Variants in FES observed in about 807,000 individuals in gnomAD.
FES encodes tyrosine-protein kinase Fes/Fps.
FES carries 83 observed loss-of-function variants against 109.6 expected under a neutral mutation model. The ratio of observed to expected loss-of-function variants is 0.76; its 90% CI spans 0.63 to 0.91. The LOEUF (loss-of-function observed/expected upper bound fraction) is 0.91, where lower values mean the gene tolerates loss of function less well. FES is among the 40% of genes least tolerant of loss of function. The pLI is 0.00. For synonymous variants in FES, 458 were observed against 442.1 expected, an observed-to-expected ratio of 1.04 and a Z score of -0.45; for missense variants, 943 against 1,070.9, an observed-to-expected ratio of 0.88 and a Z score of 1.67.
At chr15:90,885,725 C>T (rs1894400) in intron 3 of FES, 140 bp downstream of exon 3, 419,246 of 1,370,758 alleles carry the variant, frequency 0.31, 66,735 homozygotes, top group Non-Finnish European at 0.33. Context: ...AACCTTGATG[C>T]AGCTTCCTCT....
chr15:90,892,333 C>G, intron 13 of FES: 1 of 607,556 alleles, frequency 1.6e-6, no homozygotes, highest in South Asian at 2.0e-5. Flanking sequence ...GACCTCATCA[C>G]CCCCACCCAG....
rs2033228232 is a variant in FES, at chr15:90,891,659, C to A, written c.1636C>A (p.His546Asn). 1 of 1,613,718 alleles carries A rather than the reference C, an allele frequency of 6.2e-7. No individual in the cohort carries two copies. The highest frequency in any genetic ancestry group is 1.1e-5 in the South Asian group (1 of 91,092). The change falls in exon 12 of 19, where the codon CAC becomes AAC. Residue 546 changes from histidine to asparagine, a missense_variant. Transcript: ENST00000328850. ...CACCAAGAAGAGTGGTGTTGTCCTGCACAGGGCTGTGCCCAAGGTGAGCCT... is the reference window on the plus strand; with the variant it reads ...CACCAAGAAGAGTGGTGTTGTCCTGAACAGGGCTGTGCCCAAGGTGAGCCT... ...PLTKKSGVVL[H>N]RAVPKDKWVL...
intron 5 of FES, among the ~76,000 whole-genome samples, chr15:90,888,414 C>T (rs1596099000): frequency 6.6e-6 from 1 of 152,268 alleles, no homozygotes; most frequent in Admixed American, 6.5e-5. Context: ...GCCCTGACCT[C>T]TGTTTTAATA....
At chr15:90,892,583 A>G in intron 13 of FES, 124 bp from the exon 14 acceptor site, 1 of 803,814 alleles carries the variant, frequency 1.2e-6, no homozygotes, top group Non-Finnish European at 2.0e-6. Context: ...ACTCCCAGAG[A>G]GCCTGGGTGA....
In FES at chr15:90,890,382, C is replaced by T. The variant is rs754870836; in HGVS notation, c.1237-19C>T. The stretch of plus-strand genomic sequence containing the variant: ...CTCCCTAAGCCTGGCCACCCGCTGA[C>T]GTCTGTCCCTGGCCTCAGGAGCAGG... On this transcript the variant is annotated intron_variant, in intron 9 of 18. Transcript: ENST00000328850. 7.2e-5 allele frequency: 116 copies of T among 1,611,340 alleles called. No homozygotes were observed. Among genetic ancestry groups the T allele is most frequent in the Non-Finnish European group, 8.9e-5 (105 of 1,179,436 alleles).
At chr15:90,891,815 G>C in intron 12 of FES, 139 bp downstream of exon 12, 1 of 1,325,182 alleles carries the variant, frequency 7.5e-7, no homozygotes, top group Non-Finnish European at 1.0e-6. Flanking sequence ...TGACCCTCAG[G>C]GCCAGCCTTG....
At chr15:90,891,346 C>T (rs1344844484) in intron 11 of FES, among the ~76,000 whole-genome samples, 155 bp downstream of exon 11, 2 of 152,154 alleles carry the variant, frequency 1.3e-5, no homozygotes, top group African/African-American at 4.8e-5. Context: ...ACCACCCTGT[C>T]CCTGCAACAA....
intron 3 of FES, among the ~76,000 whole-genome samples, chr15:90,886,694 C>T (rs1331106245): frequency 6.6e-6 from 1 of 152,240 alleles, no homozygotes; most frequent in African/African-American, 2.4e-5. Flanking sequence ...GCCGTGCACA[C>T]CTGCAACTGG....
At chr15:90,893,871 G>A (rs962132893) in intron 17 of FES, 60 bp downstream of exon 17, 1 of 1,606,766 alleles carries the variant, frequency 6.2e-7, no homozygotes. Flanking sequence ...GGTCCTGCCG[G>A]CTGCCTCGCC....
Position 90,893,432 on chromosome 15 carries a change from ACGG to A in FES, c.2045+19_2045+21del. ...ATCCACCGGTGAGTGGGCGGTGGCC[ACGG>A]GCCCTGCCAACACCCCCGACCAGAG... On this transcript the variant is annotated intron_variant, in intron 16 of 18. Transcript: ENST00000328850. 1 of 1,528,414 alleles carries A rather than the reference ACGG, an allele frequency of 6.5e-7. No homozygotes were observed. The highest frequency in any genetic ancestry group is 8.8e-7 in the Non-Finnish European group (1 of 1,142,520). The allele number at this position is 1,528,414 out of a possible 1,614,324, so 94.7% of individuals were successfully genotyped here. A position where few individuals can be genotyped will look rare whatever the true frequency, so the allele number is the denominator to read the frequency against.
intron 3 of FES, among the ~76,000 whole-genome samples, chr15:90,886,375 TTTAC>T (rs1430697492): frequency 6.6e-6 from 1 of 152,252 alleles, no homozygotes; most frequent in Admixed American, 6.5e-5. Flanking sequence ...AAAATATTTA[TTTAC>T]TATCTGGCCC....
intron 18 of FES, among the ~76,000 whole-genome samples, chr15:90,894,447 T>A (rs897727176): frequency 6.6e-6 from 1 of 151,932 alleles, no homozygotes; most frequent in African/African-American, 2.4e-5. Context: ...TAGCCAGGCA[T>A]GGTGGCACGT....
rs1253009646 is a variant in FES at position 90,885,117 on chromosome 15, T to C, written c.72T>C (p.Leu24=). 1.9e-6 allele frequency: 3 copies of C among 1,613,918 alleles called. No individual in the cohort carries two copies. Among genetic ancestry groups the C allele is most frequent in the Admixed American group, 3.3e-5 (2 of 60,034 alleles). ...GVLQQMQEAE[L]RLLEGMRKWM... ...TGCAGCAAATGCAGGAGGCCGAGCT[T>C]CGTCTACTGGAGGGCATGAGAAAGT... The change falls in exon 2 of 19, where the codon CTT becomes CTC. Residue 24 remains leucine (L), a synonymous_variant. Coordinates refer to ENST00000328850, the MANE Select transcript of FES (RefSeq NM_002005.4).
Position 90,885,536 on chromosome 15 carries a change from G to A in FES, c.338G>A (p.Arg113His), listed in dbSNP as rs1450331775. The A allele has an allele frequency of 1.5e-5, 25 of 1,613,102 alleles. No individual in the cohort carries two copies. The highest frequency in any genetic ancestry group is 2.2e-5 in the South Asian group (2 of 91,090). ...CTCATCCGGGAACGGCAGCAGCTTC[G>A]CAAGACCTACAGCGAGCAGTGGCAG... ...SLLIRERQQL[R>H]KTYSEQWQQL... The change falls in exon 3 of 19, where the codon CGC (arginine) becomes CAC (histidine). Residue 113 changes from arginine to histidine, a missense_variant. By Grantham distance (29) the Arg-to-His change is conservative. Coordinates refer to ENST00000328850, the MANE Select transcript of FES (RefSeq NM_002005.4).
In FES at chr15:90,891,561, A is replaced by G. The variant is rs1427346683; in HGVS notation, c.1538A>G (p.Tyr513Cys). ...HFIIQSLDNL[Y>C]RLEGEGFPSI... ...GGGTCCCCTGCCCTGCAGAACCTGT[A>G]CCGACTGGAAGGGGAAGGCTTTCCT... Residue 513 changes from tyrosine to cysteine, a missense_variant, in exon 12 of 19, where the codon TAC becomes TGC. Coordinates refer to ENST00000328850, the MANE Select transcript of FES (RefSeq NM_002005.4). The G allele has an allele frequency of 6.2e-7, 1 of 1,613,706 alleles. No individual in the cohort carries two copies. Among genetic ancestry groups the G allele is most frequent in the Non-Finnish European group, 8.5e-7 (1 of 1,179,944 alleles).
At chr15:90,891,528 C>T (rs1279659956) in intron 11 of FES, 26 bp from the exon 12 acceptor site, 1 of 1,612,802 alleles carries the variant, frequency 6.2e-7, no homozygotes, top group Admixed American at 1.7e-5. Flanking sequence ...ATGGAGGCTG[C>T]TGACCCCGGG....
intron 5 of FES, among the ~76,000 whole-genome samples, chr15:90,887,631 GA>G (rs1279799228): frequency 6.6e-6 from 1 of 152,222 alleles, no homozygotes; most frequent in African/African-American, 2.4e-5. Flanking sequence ...AACGATGGTA[GA>G]CAAAAACATC....
intron 10 of FES, 21 bp downstream of exon 10, chr15:90,890,505 G>GC (rs769047058): frequency 1.6e-5 from 25 of 1,603,766 alleles, no homozygotes; most frequent in Non-Finnish European, 1.7e-5. Flanking sequence ...CCCAGCCTGG[G>GC]CCCCCCTACT....
In FES at chr15:90,895,529, C is replaced by A; in HGVS notation, c.2440C>A (p.Leu814Met). The change falls in exon 19 of 19, where the codon CTG (leucine) becomes ATG (methionine). Residue 814 changes from leucine to methionine, a missense_variant. Coordinates refer to ENST00000328850, the MANE Select transcript of FES (RefSeq NM_002005.4). ...CAGCTTCAGCACCATCTACCAGGAG[C>A]TGCAGAGCATCCGAAAGCGGCATCG... ...RPSFSTIYQE[L>M]QSIRKRHR 6.3e-7 allele frequency: 1 copy of A among 1,593,962 alleles called. No homozygotes were observed. The highest frequency in any genetic ancestry group is 8.6e-7 in the Non-Finnish European group (1 of 1,168,746).
Sources: allele counts gnomAD v4.1 joint callset (sites outside exome capture counted in the v4.1 genomes callset), GRCh38; gene constraint gnomAD v4.1.1; transcripts MANE v1.5; gene names NCBI Gene and HGNC (gene_info 2026-07-23, HGNC 2026-07-21).